Variants in HP1BP3 observed in about 807,000 individuals in gnomAD.
HP1BP3 encodes the protein heterochromatin protein 1 binding protein 3.
HP1BP3 carries 12 observed loss-of-function variants against 62.5 expected under a neutral mutation model. The observed-to-expected ratio is 0.19, with a 90% CI of 0.12 to 0.31. HP1BP3 has a LOEUF of 0.31. Ranked by LOEUF, HP1BP3 falls within the 10% of genes least tolerant of loss-of-function variation. The probability of loss-of-function intolerance (pLI) is 1.00; values close to 1 mark genes in which losing one functional copy is unlikely to be tolerated. For synonymous variants in HP1BP3, 260 were observed against 237.8 expected (o/e 1.09, Z -0.86); for missense variants, 502 against 651.8 (o/e 0.77, Z 2.50).
In HP1BP3 at chr1:20,762,048, C is replaced by T. The variant is rs186646659; in HGVS notation, c.890+3329G>A. On this transcript the variant is annotated intron_variant, in intron 8 of 12. Transcript: ENST00000438032. ...AGTGGAAGGGGAGACATTGTAGATACCAGTATAGACAACTTACACTTTGGT... is the reference window on the plus strand; with the variant it reads ...AGTGGAAGGGGAGACATTGTAGATATCAGTATAGACAACTTACACTTTGGT... Among the ~76,000 whole-genome samples, 24 of 152,304 alleles carry T rather than the reference C, an allele frequency of 1.6e-4. No individual in the cohort carries two copies. In the East Asian group the frequency reaches 4.4e-3, roughly 28 times the overall value.
chr1:20,770,185 T>C (rs116342794), intron 6 of HP1BP3, among the ~76,000 whole-genome samples: 9 of 152,352 alleles, frequency 5.9e-5, no homozygotes, highest in Admixed American at 1.3e-4. Context: ...TCTGATACTC[T>C]TAACAGGCTT....
intron 8 of HP1BP3, among the ~76,000 whole-genome samples, chr1:20,764,715 A>G (rs1265035769): frequency 6.6e-6 from 1 of 151,012 alleles, no homozygotes; most frequent in African/African-American, 2.4e-5. Flanking sequence ...AAAACCACAC[A>G]AAAAACAAAA....
intron 8 of HP1BP3, among the ~76,000 whole-genome samples, chr1:20,765,108 G>A (rs959243543): frequency 1.3e-5 from 2 of 149,372 alleles, no homozygotes; most frequent in Non-Finnish European, 3.0e-5. Flanking sequence ...GGCAGAGGCT[G>A]CAGTGAGTTG....
intron 9 of HP1BP3, chr1:20,755,241 A>C: frequency 3.1e-6 from 1 of 321,338 alleles, no homozygotes; most frequent in Admixed American, 3.5e-5. Flanking sequence ...CTATAATAAA[A>C]AAGAGTAACA....
At chr1:20,781,950 T>G (rs1349905144) in intron 1 of HP1BP3, among the ~76,000 whole-genome samples, 2 of 152,206 alleles carry the variant, frequency 1.3e-5, no homozygotes, top group Non-Finnish European at 2.9e-5. Flanking sequence ...ATAAAAAGCC[T>G]TATGCAAATC....
intron 8 of HP1BP3, among the ~76,000 whole-genome samples, chr1:20,763,548 G>A (rs530377837): frequency 3.3e-5 from 5 of 152,164 alleles, no homozygotes; most frequent in East Asian, 1.9e-4. Context: ...ACACTGTATC[G>A]GGACAATGTG....
At chr1:20,766,988 T>C (rs2056817525) in intron 7 of HP1BP3, among the ~76,000 whole-genome samples, 1 of 151,178 alleles carries the variant, frequency 6.6e-6, no homozygotes, top group African/African-American at 2.5e-5. Flanking sequence ...CAGAGGACTC[T>C]TATACCTCCT....
rs1478658701 is a variant in HP1BP3 at position 20,742,501 on chromosome 1, G to A, written c.*2296C>T. On this transcript the variant is annotated 3_prime_UTR_variant, in exon 13 of 13. Coordinates refer to ENST00000438032, the MANE Select transcript of HP1BP3 (RefSeq NM_001372052.1). ...TAAGTAATTAGCATTCAATGTATCT[G>A]GAAACATCGTTTACCCTCTATAAGA... Among the ~76,000 whole-genome samples the A allele has an allele frequency of 6.6e-6, 1 of 152,056 alleles. No homozygotes were observed. The highest frequency in any genetic ancestry group is 2.4e-5 in the African/African-American group (1 of 41,378).
At chr1:20,771,847 T>C (rs2057075231) in intron 5 of HP1BP3, among the ~76,000 whole-genome samples, 1 of 152,222 alleles carries the variant, frequency 6.6e-6, no homozygotes, top group African/African-American at 2.4e-5. Context: ...TCCATCAATT[T>C]TGTACTGCCA....
chr1:20,774,050 A>G (rs2057181778), intron 4 of HP1BP3: 1 of 152,918 alleles, frequency 6.5e-6, no homozygotes, highest in Non-Finnish European at 1.5e-5. Context: ...CTCCTCAGCT[A>G]TAAAACAGTA....
intron 8 of HP1BP3, among the ~76,000 whole-genome samples, chr1:20,760,231 A>T (rs928010803): frequency 6.6e-6 from 1 of 152,098 alleles, no homozygotes; most frequent in Non-Finnish European, 1.5e-5. Flanking sequence ...GAAGACACTG[A>T]ATGTTTGAGT....
intron 3 of HP1BP3, among the ~76,000 whole-genome samples, chr1:20,778,275 AACT>A (rs796697569): frequency 6.6e-6 from 1 of 152,368 alleles, no homozygotes; most frequent in Middle Eastern, 3.4e-3. Flanking sequence ...CAACTCATTA[AACT>A]ACTGTGTTTC....
At chr1:20,765,615 A>G in intron 7 of HP1BP3, 84 bp from the exon 8 acceptor site, 1 of 1,086,322 alleles carries the variant, frequency 9.2e-7, no homozygotes, top group Non-Finnish European at 1.3e-6. Context: ...TCAGTTGATT[A>G]CCAAATTTGT....
At chr1:20,750,734 C>T (rs1431184490) in intron 9 of HP1BP3, among the ~76,000 whole-genome samples, 1 of 151,846 alleles carries the variant, frequency 6.6e-6, no homozygotes, top group Non-Finnish European at 1.5e-5. Flanking sequence ...TCCTCCTCAG[C>T]CTACTCAACT....
chr1:20,776,023 A>AT, intron 4 of HP1BP3: 1 of 1,496,946 alleles, frequency 6.7e-7, no homozygotes, highest in South Asian at 1.3e-5. Flanking sequence ...AAAAAAAAAA[A>AT]AAAAATTAAA....
intron 9 of HP1BP3, among the ~76,000 whole-genome samples, chr1:20,750,468 A>C (rs1445569756): frequency 6.6e-6 from 1 of 151,988 alleles, no homozygotes; most frequent in Admixed American, 6.6e-5. Flanking sequence ...GCGGGGTTGC[A>C]GTGTGCCGAA....
At chr1:20,761,756 C>T (rs1214016479) in intron 8 of HP1BP3, among the ~76,000 whole-genome samples, 1 of 152,126 alleles carries the variant, frequency 6.6e-6, no homozygotes, top group Non-Finnish European at 1.5e-5. Flanking sequence ...ACCCTGAGGG[C>T]TCCTTTCTAT....
At position 20,752,707 on chromosome 1, in the gene HP1BP3, C is replaced by CATAGTACAGTACT. The variant is rs1460880375; in HGVS notation, c.982-2826_982-2825insAGTACTGTACTAT. Among the ~76,000 whole-genome samples the CATAGTACAGTACT allele has an allele frequency of 1.2e-4, 19 of 152,216 alleles. No individual in the cohort carries two copies. In the South Asian group the frequency reaches 3.9e-3, roughly 32 times the overall value. On this transcript the variant is annotated intron_variant, in intron 9 of 12. Transcript: ENST00000438032. ...AATGTGGTTATTGTCTTCTTTACTG[C>CATAGTACAGTACT]TATGTACTTATGGTTTAAAAAAAAG...
At chr1:20,749,395 A>G (rs1329966750) in intron 10 of HP1BP3, among the ~76,000 whole-genome samples, 5 of 139,384 alleles carry the variant, frequency 3.6e-5, no homozygotes, top group Admixed American at 1.5e-4. Flanking sequence ...TCTCGCAACT[A>G]TTGTCCGGAT....
Sources: gnomAD v4.1 joint callset for allele counts (sites outside exome capture counted in the v4.1 genomes callset) on GRCh38, gnomAD v4.1.1 for gene constraint, MANE v1.5 for transcripts, NCBI Gene and HGNC (gene_info 2026-07-23, HGNC 2026-07-21) for gene names.